The following USH2A variants were observed in gnomAD, a reference collection of about 807,000 sequenced individuals.
USH2A encodes the protein Usher syndrome 2A (autosomal recessive, mild).
Under a neutral mutation model 538.9 loss-of-function variants are expected in USH2A, and 443 were observed. The observed-to-expected ratio is 0.82, with a 90% CI of 0.76 to 0.89. USH2A has a LOEUF of 0.89. Ranked by LOEUF, USH2A falls within the 40% of genes least tolerant of loss-of-function variation. The pLI is 0.00. For synonymous variants in USH2A, 2,413 were observed against 2,273.5 expected, an observed-to-expected ratio of 1.06 and a Z score of -1.75; for missense variants, 6,633 against 6,324.8, an observed-to-expected ratio of 1.05 and a Z score of -1.65.
rs2032460347 is a variant in USH2A at position 216,097,155 on chromosome 1, T to C, written c.4686A>G (p.Ser1562=). The change falls in exon 22 of 72, where the codon TCA becomes TCG. Residue 1562 remains serine, a synonymous_variant. Coordinates refer to ENST00000307340, the MANE Select transcript of USH2A (RefSeq NM_206933.4). The part of the protein sequence containing the change: ...VPEGLIVFAA[S]PGNQEEYFAL... ...CAAAATACTCTTCCTGATTGCCAGG[T>C]GATGCTGCAAAGACAATCAAACCTT... The C allele has an allele frequency of 6.2e-7, 1 of 1,614,146 alleles. No individual in the cohort carries two copies. Among genetic ancestry groups the C allele is most frequent in the African/African-American group, 1.3e-5 (1 of 75,046 alleles).
intron 50 of USH2A, among the ~76,000 whole-genome samples, chr1:215,792,049 T>C (rs1202974874): frequency 6.6e-6 from 1 of 152,182 alleles, no homozygotes; most frequent in Non-Finnish European, 1.5e-5. Flanking sequence ...AATTCATGTT[T>C]CTCTTTTAAA....
In USH2A at chr1:215,996,020, C is replaced by T. The variant is rs1259825749; in HGVS notation, c.6658-2853G>A. 5.3e-5 allele frequency among the ~76,000 whole-genome samples: 8 copies of T among 152,228 alleles called. No homozygotes were observed. The East Asian group carries it at 1.2e-3, about 22-fold the overall frequency. ...CTGCCTCTCGGGTTCAAGGGATTAT[C>T]GTACCTCAGCCTCCCGAGTAGCTGG... On this transcript the variant is annotated intron_variant, in intron 34 of 71. Coordinates refer to ENST00000307340, the MANE Select transcript of USH2A (RefSeq NM_206933.4).
intron 60 of USH2A, among the ~76,000 whole-genome samples, chr1:215,734,665 G>C (rs765908598): frequency 2.6e-5 from 4 of 152,106 alleles, no homozygotes; most frequent in Non-Finnish European, 5.9e-5. Context: ...ATGCTGCTTT[G>C]TTGCTTTGAA....
chr1:215,866,919 T>C (rs1664483708), intron 44 of USH2A, 88 bp downstream of exon 44: 1 of 1,546,404 alleles, frequency 6.5e-7, no homozygotes, highest in African/African-American at 1.4e-5. Flanking sequence ...ATCAAAATGA[T>C]GTGTACATGG....
At chr1:216,235,528 CAA>C (rs1330685001) in intron 13 of USH2A, among the ~76,000 whole-genome samples, 4 of 152,160 alleles carry the variant, frequency 2.6e-5, no homozygotes, top group African/African-American at 9.7e-5. Flanking sequence ...CCAGCTAAAA[CAA>C]AGAGTCACCC....
chr1:216,276,660 A>G (rs909452378), intron 11 of USH2A, among the ~76,000 whole-genome samples: 6 of 152,102 alleles, frequency 3.9e-5, no homozygotes, highest in African/African-American at 1.4e-4. Flanking sequence ...TGTTGGACTT[A>G]CAGTTCCATA....
intron 47 of USH2A, among the ~76,000 whole-genome samples, chr1:215,823,770 C>A (rs1663077901): frequency 6.6e-6 from 1 of 151,790 alleles, no homozygotes; most frequent in African/African-American, 2.4e-5. Flanking sequence ...TTCAAATAGC[C>A]TGTCTCAAGT....
At position 216,257,079 on chromosome 1, in the gene USH2A, G is replaced by T. The variant is rs536332870; in HGVS notation, c.1972-5981C>A. 7.2e-5 allele frequency among the ~76,000 whole-genome samples: 11 copies of T among 151,784 alleles called. No homozygotes were observed. The South Asian group carries it at 2.3e-3, about 32-fold the overall frequency. On this transcript the variant is annotated intron_variant, in intron 11 of 71. Coordinates refer to ENST00000307340, the MANE Select transcript of USH2A (RefSeq NM_206933.4). ...ATATTTAAAGAAAATTAAATCATTAGAAAAATACCCTCCGTATTTACCAAT... is the reference window on the plus strand; with the variant it reads ...ATATTTAAAGAAAATTAAATCATTATAAAAATACCCTCCGTATTTACCAAT...
chr1:215,700,559 T>C (rs983337303), intron 61 of USH2A, among the ~76,000 whole-genome samples: 2 of 152,208 alleles, frequency 1.3e-5, no homozygotes, highest in African/African-American at 4.8e-5. Context: ...TCCAGGAATT[T>C]ATCCATTTCT....
At position 216,237,766 on chromosome 1, in the gene USH2A, C is replaced by T. The variant is rs116115129; in HGVS notation, c.2810-5630G>A. On this transcript the variant is annotated intron_variant, in intron 13 of 71. Transcript: ENST00000307340. ...TATCTATTATCATCTTTGTAATTGT[C>T]AATTAGCAAGTTTTCTATGACAGAG... Among the ~76,000 whole-genome samples, 557 of 152,268 alleles carry T rather than the reference C, an allele frequency of 3.7e-3. 4 individuals are homozygous for T. Among genetic ancestry groups the T allele is most frequent in the African/African-American group, 0.013 (536 of 41,564 alleles).
chr1:215,874,940 G>T (rs1418625483), intron 43 of USH2A, among the ~76,000 whole-genome samples: 1 of 152,192 alleles, frequency 6.6e-6, no homozygotes, highest in Non-Finnish European at 1.5e-5. Context: ...CAAAGGAAGG[G>T]CCATGAAGGA....
chr1:216,115,002 G>A (rs982116452), intron 21 of USH2A, among the ~76,000 whole-genome samples: 5 of 151,896 alleles, frequency 3.3e-5, no homozygotes, highest in Non-Finnish European at 7.4e-5. Context: ...ATCTGTATCC[G>A]TATGTATAGA....
chr1:215,703,570 G>C (rs1659094857), intron 61 of USH2A, among the ~76,000 whole-genome samples: 1 of 152,150 alleles, frequency 6.6e-6, no homozygotes, highest in African/African-American at 2.4e-5. Flanking sequence ...GCTGTGGTGG[G>C]ATCTGCCCAG....
chr1:216,213,522 T>G (rs592642), intron 15 of USH2A, among the ~76,000 whole-genome samples: 34,149 of 151,862 alleles, frequency 0.22, 3,876 homozygotes, highest in Non-Finnish European at 0.25. Context: ...TGGATACCTA[T>G]GTGTCAAAAA....
chr1:216,200,212 T>C, intron 16 of USH2A, 91 bp from the exon 17 acceptor site: 1 of 1,301,416 alleles, frequency 7.7e-7, no homozygotes, highest in Non-Finnish European at 1.1e-6. Flanking sequence ...ATTATTTAAT[T>C]ACATAAACTA....
Position 215,888,969 on chromosome 1 carries a change from A to T in USH2A, c.7680T>A (p.Asn2560Lys). Residue 2560 changes from asparagine (N) to lysine (K), a missense_variant, in exon 41 of 72, where the codon AAT (asparagine) becomes AAA (lysine). Transcript: ENST00000307340. The part of the protein sequence containing the change: ...LVTWQHPRKS[N>K]GVITHYNIYL... Reference sequence around the variant, plus strand: ...AAATGTTATAATGGGTAATAACCCCATTGGATTTTCTAGGATGCTGCCAGG... The same window carrying T: ...AAATGTTATAATGGGTAATAACCCCTTTGGATTTTCTAGGATGCTGCCAGG... 6.2e-7 allele frequency: 1 copy of T among 1,614,128 alleles called. No individual in the cohort carries two copies. Among genetic ancestry groups the T allele is most frequent in the Non-Finnish European group, 8.5e-7 (1 of 1,180,010 alleles).
At chr1:216,391,389 A>G (rs2039104136) in intron 3 of USH2A, among the ~76,000 whole-genome samples, 1 of 152,184 alleles carries the variant, frequency 6.6e-6, no homozygotes, top group Non-Finnish European at 1.5e-5. Flanking sequence ...CTGGTCATAG[A>G]TGCCCCAAGA....
intron 67 of USH2A, among the ~76,000 whole-genome samples, chr1:215,644,756 G>A (rs1005759615): frequency 3.9e-5 from 6 of 152,208 alleles, no homozygotes; most frequent in Non-Finnish European, 7.3e-5. Context: ...TTTTCATCCA[G>A]TGCTGAGGAA....
intron 50 of USH2A, among the ~76,000 whole-genome samples, chr1:215,794,509 T>A (rs1662069271): frequency 6.6e-6 from 1 of 152,046 alleles, no homozygotes; most frequent in African/African-American, 2.4e-5. Flanking sequence ...TGGAAGGTCA[T>A]TAAGGTCACA....
Sources: gnomAD v4.1 joint callset for allele counts (sites outside exome capture counted in the v4.1 genomes callset) on GRCh38, gnomAD v4.1.1 for gene constraint, MANE v1.5 for transcripts, NCBI Gene and HGNC (gene_info 2026-07-23, HGNC 2026-07-21) for gene names.